The following CLVS2 variants were observed in gnomAD, a reference collection of about 807,000 sequenced individuals.
CLVS2 encodes clavesin-2.
Under a neutral mutation model 29.0 loss-of-function variants are expected in CLVS2, and 19 were observed. The ratio of observed to expected loss-of-function variants is 0.66; its 90% CI spans 0.46 to 0.96. The LOEUF is 0.96. Ranked by LOEUF, CLVS2 falls within the 40% of genes least tolerant of loss-of-function variation. The pLI, the probability that CLVS2 is intolerant of heterozygous loss-of-function variation, is 0.00. For synonymous variants in CLVS2, 161 were observed against 151.3 expected, an observed-to-expected ratio of 1.06 and a Z score of -0.47; for missense variants, 294 against 404.1, an observed-to-expected ratio of 0.73 and a Z score of 2.34.
intron 5 of CLVS2, among the ~76,000 whole-genome samples, chr6:123,059,147 T>G (rs1315673961): frequency 6.6e-6 from 1 of 152,122 alleles, no homozygotes; most frequent in East Asian, 1.9e-4. Context: ...CCACCTGGAA[T>G]GTTCTTTTCC....
At position 123,065,023 on chromosome 6, in the gene CLVS2, G is replaced by C. The variant is rs748308436; in HGVS notation, c.*1262G>C. Reference sequence around the variant, plus strand: ...TTTCAAATTTAAGTTAATTATCTTCGTGATCCTATTTATCCACAATTTCTT... The same window carrying C: ...TTTCAAATTTAAGTTAATTATCTTCCTGATCCTATTTATCCACAATTTCTT... On this transcript the variant is annotated 3_prime_UTR_variant, in exon 6 of 6. Coordinates refer to ENST00000275162, the MANE Select transcript of CLVS2 (RefSeq NM_001010852.4). The C allele has an allele frequency of 6.6e-6, 1 of 151,650 alleles. No homozygotes were observed. Among genetic ancestry groups the C allele is most frequent in the Non-Finnish European group, 1.5e-5 (1 of 67,800 alleles). 9.4% of individuals were successfully genotyped at this position (151,650 alleles called of 1,614,324 possible). A position where few individuals can be genotyped will look rare whatever the true frequency, so the allele number is the denominator to read the frequency against.
At chr6:123,045,841 A>G (rs1241571524) in intron 3 of CLVS2, among the ~76,000 whole-genome samples, 1 of 152,116 alleles carries the variant, frequency 6.6e-6, no homozygotes, top group African/African-American at 2.4e-5. Context: ...GTGGGCTTTT[A>G]TGAGTGAGAA....
intron 4 of CLVS2, among the ~76,000 whole-genome samples, chr6:123,049,804 T>TGGGGGAGGG (rs1772575990): frequency 8.4e-6 from 1 of 118,930 alleles, no homozygotes; most frequent in Non-Finnish European, 1.8e-5. Context: ...TGTTGTGGGA[T>TGGGGGAGGG]GGGGGGCGGG....
chr6:123,045,194 A>G (rs959326073), intron 3 of CLVS2, among the ~76,000 whole-genome samples: 2 of 152,126 alleles, frequency 1.3e-5, no homozygotes, highest in African/African-American at 2.4e-5. Context: ...CTGGGAATAT[A>G]AAGATGAATG....
At chr6:123,035,038 G>C (rs1335667311) in intron 3 of CLVS2, among the ~76,000 whole-genome samples, 1 of 152,124 alleles carries the variant, frequency 6.6e-6, no homozygotes, top group Non-Finnish European at 1.5e-5. Flanking sequence ...TGAGAAGAAA[G>C]AACAGTTTAT....
intron 3 of CLVS2, among the ~76,000 whole-genome samples, chr6:123,013,667 A>G: frequency 6.6e-6 from 1 of 151,328 alleles, no homozygotes; most frequent in Non-Finnish European, 1.5e-5. Flanking sequence ...TTTTTATTTT[A>G]TTATTATTAT....
intron 2 of CLVS2, among the ~76,000 whole-genome samples, chr6:123,010,778 G>T (rs901029683): frequency 6.6e-6 from 1 of 151,960 alleles, no homozygotes; most frequent in African/African-American, 2.4e-5. Flanking sequence ...GTTTCCATTT[G>T]TTTGGGCAGA....
intron 3 of CLVS2, among the ~76,000 whole-genome samples, chr6:123,012,659 A>C (rs917721068): frequency 6.6e-6 from 1 of 151,854 alleles, no homozygotes; most frequent in South Asian, 2.1e-4. Flanking sequence ...GAAGTTCTTT[A>C]AGTGCTACCT....
At chr6:123,049,946 AT>A (rs1772580264) in intron 4 of CLVS2, among the ~76,000 whole-genome samples, 1 of 152,162 alleles carries the variant, frequency 6.6e-6, no homozygotes, top group Admixed American at 6.6e-5. Context: ...TTAAAGTATA[AT>A]TTTTAAAAAA....
At chr6:123,016,902 C>T (rs191023807) in intron 3 of CLVS2, among the ~76,000 whole-genome samples, 3 of 152,048 alleles carry the variant, frequency 2.0e-5, no homozygotes, top group African/African-American at 4.8e-5. Context: ...TGGCTCTAAG[C>T]GTTTGGAAGC....
chr6:123,012,510 C>T (rs1287776714), intron 3 of CLVS2, among the ~76,000 whole-genome samples: 2 of 151,038 alleles, frequency 1.3e-5, no homozygotes, highest in Non-Finnish European at 3.0e-5. Flanking sequence ...AAAAAAAAAA[C>T]ACTTCAAGAA....
In CLVS2 at chr6:123,072,060, G is replaced by A. The variant is rs898429635; in HGVS notation, c.*8299G>A. 6.6e-6 allele frequency: 1 copy of A among 151,888 alleles called. No individual in the cohort carries two copies. The highest frequency in any genetic ancestry group is 1.5e-5 in the Non-Finnish European group (1 of 67,902). The allele number at this position is 151,888 out of a possible 1,614,324, so 9.4% of individuals were successfully genotyped here. On this transcript the variant is annotated 3_prime_UTR_variant, in exon 6 of 6. Coordinates refer to ENST00000275162, the MANE Select transcript of CLVS2 (RefSeq NM_001010852.4). The stretch of plus-strand genomic sequence containing the variant: ...TTAGTAACTAAATGACCTAGATATT[G>A]GTTCTTGTTGTGATAGGTTTCTGAT...
intron 2 of CLVS2, among the ~76,000 whole-genome samples, chr6:122,999,297 G>A (rs1233578219): frequency 6.6e-6 from 1 of 151,948 alleles, no homozygotes; most frequent in African/African-American, 2.4e-5. Context: ...TCCGAGTCTT[G>A]GTATCTTAGA....
rs574343425 is a variant in CLVS2, at chr6:123,048,827, C to T, written c.675+95C>T. On this transcript the variant is annotated intron_variant, in intron 4 of 5. Coordinates refer to ENST00000275162, the MANE Select transcript of CLVS2 (RefSeq NM_001010852.4). The stretch of plus-strand genomic sequence containing the variant: ...ATAATGTTAGCTATAGTAAAATGTA[C>T]TTCTACATTGTATAGAAATCAACAT... 6.4e-6 allele frequency: 5 copies of T among 781,514 alleles called. No homozygotes were observed. The East Asian group carries it at 1.2e-4, about 20-fold the overall frequency. The allele number at this position is 781,514 out of a possible 1,614,324, so 48.4% of individuals were successfully genotyped here.
chr6:123,045,544 G>C (rs1397713708), intron 3 of CLVS2, among the ~76,000 whole-genome samples: 1 of 151,916 alleles, frequency 6.6e-6, no homozygotes, highest in Non-Finnish European at 1.5e-5. Context: ...GCAACAAAAA[G>C]GTGACTGCTG....
chr6:123,023,179 TCTCTGGAA>T (rs1359234067), intron 3 of CLVS2, among the ~76,000 whole-genome samples: 1 of 152,088 alleles, frequency 6.6e-6, no homozygotes. Flanking sequence ...CATGGAGAGC[TCTCTGGAA>T]CTCAGTTGCT....
intron 2 of CLVS2, 118 bp from the exon 3 acceptor site, chr6:123,010,867 A>G: frequency 1.7e-6 from 1 of 604,776 alleles, no homozygotes; most frequent in Non-Finnish European, 2.6e-6. Context: ...AAACAAAATT[A>G]TTTCCTTAAG....
At chr6:123,023,695 C>T (rs978382582) in intron 3 of CLVS2, among the ~76,000 whole-genome samples, 2 of 152,074 alleles carry the variant, frequency 1.3e-5, no homozygotes, top group Non-Finnish European at 1.5e-5. Flanking sequence ...AGAACAATTA[C>T]ATAGGATATA....
chr6:123,003,716 T>C (rs1189118044), intron 2 of CLVS2, among the ~76,000 whole-genome samples: 1 of 152,178 alleles, frequency 6.6e-6, no homozygotes, highest in Non-Finnish European at 1.5e-5. Context: ...GCTGAGTAAC[T>C]ATCAGAGGTC....
Sources: gnomAD v4.1 joint callset for allele counts (sites outside exome capture counted in the v4.1 genomes callset) on GRCh38, gnomAD v4.1.1 for gene constraint, MANE v1.5 for transcripts, NCBI Gene and HGNC (gene_info 2026-07-23, HGNC 2026-07-21) for gene names.